UGT1A3: variants seen among roughly 807,000 people sequenced by gnomAD.
The protein encoded by UGT1A3 is UDP glucuronosyltransferase family 1 member A3.
Under a neutral mutation model 41.0 loss-of-function variants are expected in UGT1A3, and 31 were observed. The ratio of observed to expected loss-of-function variants is 0.76; its 90% confidence interval spans 0.57 to 1.02. The LOEUF is 1.02. UGT1A3 is among the 50% of genes least tolerant of loss of function. The pLI, the probability that UGT1A3 is intolerant of heterozygous loss-of-function variation, is 0.00. For missense variants in UGT1A3, 737 were observed against 671.0 expected, an observed-to-expected ratio of 1.10 and a Z score of -1.09; for synonymous variants, 262 against 257.6, an observed-to-expected ratio of 1.02 and a Z score of -0.17.
At chr2:233,756,909 C>T (rs1190068817) in intron 1 of UGT1A3, among the ~76,000 whole-genome samples, 1 of 152,062 alleles carries the variant, frequency 6.6e-6, no homozygotes, top group East Asian at 1.9e-4. Context: ...GAACAAACTT[C>T]TGAGTTTATA....
At chr2:233,761,879 T>C (rs1697890681) in intron 1 of UGT1A3, among the ~76,000 whole-genome samples, 1 of 152,212 alleles carries the variant, frequency 6.6e-6, no homozygotes, top group Admixed American at 6.5e-5. Flanking sequence ...AGAGCGTTCA[T>C]TCACTTATCC....
chr2:233,768,582 CTTTTTTTT>C (rs139595073), intron 4 of UGT1A3, 143 bp downstream of exon 4: 33 of 1,033,056 alleles, frequency 3.2e-5, no homozygotes, highest in Middle Eastern at 4.0e-4. Context: ...TTTATTTCTT[CTTTTTTTT>C]TTTTTTTTTT....
chr2:233,764,699 G>A (rs1698625659), intron 1 of UGT1A3, among the ~76,000 whole-genome samples: 1 of 152,188 alleles, frequency 6.6e-6, no homozygotes, highest in African/African-American at 2.4e-5. Flanking sequence ...ACTTGGAAAT[G>A]AGCTGTGTCT....
intron 1 of UGT1A3, among the ~76,000 whole-genome samples, chr2:233,733,833 G>A (rs1195470780): frequency 2.6e-5 from 4 of 152,136 alleles, no homozygotes; most frequent in African/African-American, 4.8e-5. Flanking sequence ...ATGAGTTAGG[G>A]AGGATTCCCT....
intron 1 of UGT1A3, among the ~76,000 whole-genome samples, chr2:233,739,485 C>T (rs535486258): frequency 1.8e-4 from 27 of 152,374 alleles, no homozygotes; most frequent in African/African-American, 6.3e-4. Context: ...GAGCCCATTT[C>T]TGGCATCACC....
chr2:233,752,917 C>T (rs758108184), intron 1 of UGT1A3, among the ~76,000 whole-genome samples: 1 of 152,208 alleles, frequency 6.6e-6, no homozygotes, highest in Non-Finnish European at 1.5e-5. Flanking sequence ...CTCTGAGTGA[C>T]ACTGGTATGC....
intron 1 of UGT1A3, among the ~76,000 whole-genome samples, chr2:233,766,527 C>A (rs182363342): frequency 6.6e-6 from 1 of 152,236 alleles, no homozygotes; most frequent in Non-Finnish European, 1.5e-5. Context: ...AACATTTAGG[C>A]AGGAAAACAA....
intron 1 of UGT1A3, among the ~76,000 whole-genome samples, chr2:233,733,964 G>T (rs1371288114): frequency 2.0e-5 from 3 of 152,056 alleles, no homozygotes; most frequent in Admixed American, 1.3e-4. Flanking sequence ...TGTGGGGTAG[G>T]GGGAGCGGGG....
chr2:233,755,198 G>A (rs1452134349), intron 1 of UGT1A3: 1 of 1,110,818 alleles, frequency 9.0e-7, no homozygotes, highest in Non-Finnish European at 1.3e-6. Flanking sequence ...GCGCCAGCTT[G>A]CGGTACGCCT....
intron 1 of UGT1A3, among the ~76,000 whole-genome samples, chr2:233,738,487 G>C (rs2125816251): frequency 6.6e-6 from 1 of 152,316 alleles, no homozygotes; most frequent in African/African-American, 2.4e-5. Flanking sequence ...GAGACTTGTT[G>C]AACGGTTTTG....
At chr2:233,771,408 T>C (rs1454905857) in intron 4 of UGT1A3, 2 of 152,208 alleles carry the variant, frequency 1.3e-5, no homozygotes, top group Non-Finnish European at 2.9e-5. Context: ...ATGAACACTG[T>C]CCAGAATAAA....
At chr2:233,761,999 A>C (rs1449541079) in intron 1 of UGT1A3, among the ~76,000 whole-genome samples, 1 of 152,130 alleles carries the variant, frequency 6.6e-6, no homozygotes, top group Non-Finnish European at 1.5e-5. Flanking sequence ...TATTTCCACT[A>C]TACCTCCAAT....
chr2:233,735,469 G>T (rs1476007711), intron 1 of UGT1A3, among the ~76,000 whole-genome samples: 1 of 152,020 alleles, frequency 6.6e-6, no homozygotes, highest in African/African-American at 2.4e-5. Context: ...TATCCAATTT[G>T]CCAGTCTGTG....
At chr2:233,757,562 GTATATA>G (rs1491042837) in intron 1 of UGT1A3, among the ~76,000 whole-genome samples, 1 of 90,870 alleles carries the variant, frequency 1.1e-5, no homozygotes, top group South Asian at 4.4e-4. Context: ...ATATATATAT[GTATATA>G]TGATATAGCT....
chr2:233,768,466 T>G (rs1161223448), intron 4 of UGT1A3, 27 bp downstream of exon 4: 2 of 1,605,760 alleles, frequency 1.2e-6, no homozygotes, highest in South Asian at 2.2e-5. Flanking sequence ...AGAAGAATAC[T>G]TTGGTCATGG....
intron 1 of UGT1A3, among the ~76,000 whole-genome samples, chr2:233,757,344 G>C (rs1023299797): frequency 6.6e-6 from 1 of 150,900 alleles, no homozygotes; most frequent in Non-Finnish European, 1.5e-5. Flanking sequence ...ATGACAGCTG[G>C]GTCTGAGAGA....
chr2:233,758,658 T>A lies in UGT1A3; in HGVS notation c.868-8376T>A, dbSNP rs188603135. 5.3e-5 allele frequency among the ~76,000 whole-genome samples: 8 copies of A among 152,318 alleles called. No individual in the cohort carries two copies. In the East Asian group the frequency reaches 1.5e-3, roughly 29 times the overall value. ...TAAGGAGAAGAATGAGAGGGTACCCTAATTACCTGTTAATATGTCCCATAG... is the reference window on the plus strand; with the variant it reads ...TAAGGAGAAGAATGAGAGGGTACCCAAATTACCTGTTAATATGTCCCATAG... On this transcript the variant is annotated intron_variant, in intron 1 of 4. Coordinates refer to ENST00000482026, the MANE Select transcript of UGT1A3 (RefSeq NM_019093.4).
intron 1 of UGT1A3, among the ~76,000 whole-genome samples, chr2:233,737,902 T>C (rs1690626433): frequency 6.6e-6 from 1 of 152,134 alleles, no homozygotes; most frequent in Non-Finnish European, 1.5e-5. Flanking sequence ...TCGAGTGTGG[T>C]AAAGAACAGG....
At chr2:233,746,870 G>A (rs544593514) in intron 1 of UGT1A3, among the ~76,000 whole-genome samples, 2 of 151,670 alleles carry the variant, frequency 1.3e-5, no homozygotes, top group African/African-American at 4.9e-5. Flanking sequence ...CCTGATAAAC[G>A]TGGTTAACAG....
Sources: allele counts gnomAD v4.1 joint callset (sites outside exome capture counted in the v4.1 genomes callset), GRCh38; gene constraint gnomAD v4.1.1; transcripts MANE v1.5; gene names NCBI Gene and HGNC (gene_info 2026-07-23, HGNC 2026-07-21).